TTBK2: variants seen among roughly 807,000 people sequenced by gnomAD.
TTBK2 encodes tau-tubulin kinase 2.
In TTBK2, 28 loss-of-function variants were observed where a neutral mutation model predicts 110.8. That is an observed-to-expected ratio of 0.25 (90% confidence interval 0.19 to 0.35). The LOEUF (loss-of-function observed/expected upper bound fraction) is 0.35, where lower values mean the gene tolerates loss of function less well. Ranked by LOEUF, TTBK2 falls within the 10% of genes least tolerant of loss-of-function variation. The probability of loss-of-function intolerance (pLI) is 1.00; values close to 1 mark genes in which losing one functional copy is unlikely to be tolerated. For missense variants in TTBK2, 1,369 were observed against 1,500.3 expected (o/e 0.91, Z 1.45); for synonymous variants, 532 against 527.3 (o/e 1.01, Z -0.12).
chr15:42,802,971 C>A (rs558583837), intron 9 of TTBK2, among the ~76,000 whole-genome samples: 166 of 152,344 alleles, frequency 1.1e-3, no homozygotes, highest in African/African-American at 3.7e-3. Flanking sequence ...CTGGATGCTT[C>A]CTGTCCTCCA....
chr15:42,829,521 G>A (rs1892663207), intron 5 of TTBK2, among the ~76,000 whole-genome samples: 1 of 152,186 alleles, frequency 6.6e-6, no homozygotes, highest in Non-Finnish European at 1.5e-5. Flanking sequence ...CATAATAATA[G>A]TCAAACATAA....
chr15:42,829,952 G>A lies in TTBK2; in HGVS notation c.418C>T (p.Arg140Ter). Reference protein sequence around the residue: ...ESIHSVGFLHRDIKPSNFAMG... With the variant: ...ESIHSVGFLH ...AAGGTCCCTACCGGTTTGATGTCTC[G>A]ATGCAAGAATCCCACAGAATGAATG... is the stretch of plus-strand genomic sequence containing the variant. Residue 140 changes from arginine (R) to a stop codon, truncating the protein, a stop_gained, in exon 5 of 15, where the codon CGA (arginine) becomes TGA (stop). Coordinates refer to ENST00000267890, the MANE Select transcript of TTBK2 (RefSeq NM_173500.4). LOFTEE classifies it high-confidence loss of function. The A allele has an allele frequency of 6.2e-7, 1 of 1,614,020 alleles. No homozygotes were observed. Among genetic ancestry groups the A allele is most frequent in the Non-Finnish European group, 8.5e-7 (1 of 1,180,014 alleles).
At chr15:42,801,033 A>C in intron 9 of TTBK2, 1 of 765,962 alleles carries the variant, frequency 1.3e-6, no homozygotes, top group African/African-American at 1.7e-5. Context: ...CTTCATGACC[A>C]CGGCCCTGGA....
rs532343878 is a variant in TTBK2, at chr15:42,744,775, T to C, written c.*1020A>G. The C allele has an allele frequency of 6.6e-6, 1 of 152,454 alleles. No homozygotes were observed. Among genetic ancestry groups the C allele is most frequent in the African/African-American group, 2.4e-5 (1 of 41,572 alleles). 9.4% of individuals were successfully genotyped at this position (152,454 alleles called of 1,614,324 possible). A position where few individuals can be genotyped will look rare whatever the true frequency, so the allele number is the denominator to read the frequency against. On this transcript the variant is annotated 3_prime_UTR_variant, in exon 15 of 15. Transcript: ENST00000267890. ...TTGAGGATTCTAAGCCTCAATAATA[T>C]ATCTAATTTATTTCTAAATCTCAAA...
intron 6 of TTBK2, among the ~76,000 whole-genome samples, chr15:42,821,679 GTTTTTTGTTTTTTTTTTGT>G (rs1892303098): frequency 7.2e-6 from 1 of 139,604 alleles, no homozygotes; most frequent in Non-Finnish European, 1.5e-5. Flanking sequence ...CAGGGTTTTT[GTTTTTTGTTTTTTTTTTGT>G]TTTTTTTTTT....
intron 13 of TTBK2, among the ~76,000 whole-genome samples, chr15:42,770,061 T>A (rs540764197): frequency 1.4e-4 from 20 of 144,548 alleles, no homozygotes; most frequent in South Asian, 1.1e-3. Context: ...ATGAGAATAC[T>A]TGGACACAGG....
At position 42,749,178 on chromosome 15, in the gene TTBK2, A is replaced by G. The variant is rs534502127; in HGVS notation, c.3272+2796T>C. Among the ~76,000 whole-genome samples, 12 of 152,294 alleles carry G rather than the reference A, an allele frequency of 7.9e-5. No individual in the cohort carries two copies. The East Asian group carries it at 2.1e-3, about 27-fold the overall frequency. On this transcript the variant is annotated intron_variant, in intron 14 of 14. Coordinates refer to ENST00000267890, the MANE Select transcript of TTBK2 (RefSeq NM_173500.4). ...AAACTATTAAGCAAATATTTTGCCCACTCCGTAGATGAGGAAATGGAGGTT... is the reference window on the plus strand; with the variant it reads ...AAACTATTAAGCAAATATTTTGCCCGCTCCGTAGATGAGGAAATGGAGGTT...
rs78812056 is a variant in TTBK2, at chr15:42,796,975, T to C, written c.823-2174A>G. ...TTTATTTGGGTCCTATTTTTGTTCATGTAAGTCACCTACGTTATAGCTTAG... is the reference window on the plus strand; with the variant it reads ...TTTATTTGGGTCCTATTTTTGTTCACGTAAGTCACCTACGTTATAGCTTAG... On this transcript the variant is annotated intron_variant, in intron 9 of 14. Coordinates refer to ENST00000267890, the MANE Select transcript of TTBK2 (RefSeq NM_173500.4). Among the ~76,000 whole-genome samples, 1,145 of 152,366 alleles carry C rather than the reference T, an allele frequency of 7.5e-3. 13 individuals carry two copies. Among genetic ancestry groups the C allele is most frequent in the African/African-American group, 0.026 (1,082 of 41,590 alleles).
intron 1 of TTBK2, among the ~76,000 whole-genome samples, chr15:42,886,009 T>A (rs143378302): frequency 0.016 from 2,405 of 152,288 alleles, 74 homozygotes; most frequent in African/African-American, 0.056. Flanking sequence ...GCAAATGGTC[T>A]GAGGTGCCTG....
chr15:42,810,495 A>G (rs192242555), intron 9 of TTBK2, 119 bp downstream of exon 9: 512 of 1,263,630 alleles, frequency 4.1e-4, no homozygotes, highest in South Asian at 1.8e-3. Flanking sequence ...GGATGTATTA[A>G]AACAGTCGTA....
chr15:42,858,088 C>A (rs1649202987), intron 3 of TTBK2, among the ~76,000 whole-genome samples: 1 of 151,746 alleles, frequency 6.6e-6, no homozygotes, highest in African/African-American at 2.4e-5. Flanking sequence ...CCCAAAACAA[C>A]AACAACAACA....
intron 3 of TTBK2, among the ~76,000 whole-genome samples, chr15:42,847,330 T>C (rs902400613): frequency 2.0e-5 from 3 of 152,250 alleles, no homozygotes; most frequent in Admixed American, 1.3e-4. Context: ...TGAAAATAAG[T>C]CCTTTGCAGG....
intron 1 of TTBK2, among the ~76,000 whole-genome samples, chr15:42,912,655 G>T (rs1363679815): frequency 6.6e-6 from 1 of 151,898 alleles, no homozygotes; most frequent in African/African-American, 2.4e-5. Context: ...AGGTTGCAGT[G>T]AGCTGAGATT....
At position 42,763,131 on chromosome 15, in the gene TTBK2, C is replaced by CAT. The variant is rs1220037893; in HGVS notation, c.1999-9886_1999-9885dup. On this transcript the variant is annotated intron_variant, in intron 13 of 14. Coordinates refer to ENST00000267890, the MANE Select transcript of TTBK2 (RefSeq NM_173500.4). ...ATATATATATATACACATATATATA[C>CAT]ATATATACATACATATATATATATA... is the stretch of plus-strand genomic sequence containing the variant. Among the ~76,000 whole-genome samples, 158 of 59,848 alleles carry CAT rather than the reference C, an allele frequency of 2.6e-3. 12 individuals carry two copies. Among genetic ancestry groups the CAT allele is most frequent in the African/African-American group, 0.012 (143 of 11,822 alleles). 39.3% of individuals were successfully genotyped at this position (59,848 alleles called of 152,430 possible).
At chr15:42,881,162 A>T (rs1895025380) in intron 1 of TTBK2, among the ~76,000 whole-genome samples, 1 of 151,634 alleles carries the variant, frequency 6.6e-6, no homozygotes, top group Admixed American at 6.6e-5. Context: ...AGGTGCCTAT[A>T]GTCCCAGCTA....
intron 1 of TTBK2, among the ~76,000 whole-genome samples, chr15:42,887,745 T>C (rs983126378): frequency 1.3e-5 from 2 of 152,080 alleles, no homozygotes; most frequent in Non-Finnish European, 2.9e-5. Flanking sequence ...TTTTCACTAT[T>C]CCTTTGCACC....
chr15:42,843,126 A>G (rs1406626263), intron 3 of TTBK2, among the ~76,000 whole-genome samples: 1 of 152,220 alleles, frequency 6.6e-6, no homozygotes, highest in African/African-American at 2.4e-5. Context: ...CAAAAACTGT[A>G]ACAGTGAGAG....
At chr15:42,886,577 G>A (rs550416034) in intron 1 of TTBK2, among the ~76,000 whole-genome samples, 103 of 152,102 alleles carry the variant, frequency 6.8e-4, no homozygotes, top group African/African-American at 2.4e-3. Flanking sequence ...ATCCGCTCCC[G>A]ACATTAGAAA....
intron 12 of TTBK2, among the ~76,000 whole-genome samples, chr15:42,775,981 G>A (rs1191115928): frequency 6.6e-6 from 1 of 152,108 alleles, no homozygotes; most frequent in African/African-American, 2.4e-5. Flanking sequence ...ATTGAACTGA[G>A]CTTTTATCCC....
Sources: gnomAD v4.1 joint callset for allele counts (sites outside exome capture counted in the v4.1 genomes callset) on GRCh38, gnomAD v4.1.1 for gene constraint, MANE v1.5 for transcripts, NCBI Gene and HGNC (gene_info 2026-07-23, HGNC 2026-07-21) for gene names.